PAPPA2: variants seen among roughly 807,000 people sequenced by gnomAD.
PAPPA2 encodes the protein pappalysin-2.
Under a neutral mutation model 176.4 loss-of-function variants are expected in PAPPA2, and 86 were observed. The observed-to-expected ratio is 0.49, with a 90% CI of 0.41 to 0.58. The LOEUF (loss-of-function observed/expected upper bound fraction) is 0.58. Ranked by LOEUF, PAPPA2 falls within the 20% of genes least tolerant of loss-of-function variation. The probability of loss-of-function intolerance (pLI) is 0.00; values close to 1 mark genes in which losing one functional copy is unlikely to be tolerated. For missense variants in PAPPA2, 2,073 were observed against 2,256.9 expected, an observed-to-expected ratio of 0.92 and a Z score of 1.65; for synonymous variants, 809 against 852.2, an observed-to-expected ratio of 0.95 and a Z score of 0.88.
chr1:176,784,591 T>TC (rs142680632), intron 17 of PAPPA2, among the ~76,000 whole-genome samples: 21 of 60,856 alleles, frequency 3.5e-4, no homozygotes, highest in African/African-American at 1.1e-3. Flanking sequence ...GATGATTCTC[T>TC]TTTTTTTTTT....
intron 19 of PAPPA2, among the ~76,000 whole-genome samples, chr1:176,792,524 T>C (rs991181675): frequency 1.3e-5 from 2 of 152,268 alleles, no homozygotes; most frequent in South Asian, 2.1e-4. Flanking sequence ...AAGCCTCCAA[T>C]TTCTGCGTTA....
At chr1:176,476,352 G>A (rs893537134) in intron 1 of PAPPA2, among the ~76,000 whole-genome samples, 16 of 152,162 alleles carry the variant, frequency 1.1e-4, no homozygotes, top group African/African-American at 3.9e-4. Context: ...CAGTGTTTAT[G>A]GTTCACTAAA....
chr1:176,765,858 C>A, intron 15 of PAPPA2, 21 bp downstream of exon 15: 1 of 1,610,114 alleles, frequency 6.2e-7, no homozygotes, highest in Non-Finnish European at 8.5e-7. Context: ...AGAACACTAT[C>A]ACCAGGACCA....
chr1:176,540,746 T>C (rs1388452789), intron 1 of PAPPA2, among the ~76,000 whole-genome samples: 1 of 152,206 alleles, frequency 6.6e-6, no homozygotes, highest in Non-Finnish European at 1.5e-5. Context: ...TGTGACCAGA[T>C]AACCTAACCT....
At chr1:176,662,087 G>C (rs190001347) in intron 3 of PAPPA2, among the ~76,000 whole-genome samples, 20 of 152,252 alleles carry the variant, frequency 1.3e-4, no homozygotes, top group African/African-American at 4.8e-4. Flanking sequence ...ACAGTGACTT[G>C]CAGATAATAA....
At chr1:176,734,728 G>T (rs1321152324) in intron 12 of PAPPA2, among the ~76,000 whole-genome samples, 1 of 152,022 alleles carries the variant, frequency 6.6e-6, no homozygotes, top group Non-Finnish European at 1.5e-5. Flanking sequence ...AATAGTATTA[G>T]GTTGAACCAG....
rs1231147898 is a variant in PAPPA2, at chr1:176,527,266, T to G, written c.-916-28141T>G. Among the ~76,000 whole-genome samples the G allele has an allele frequency of 2.6e-5, 4 of 152,356 alleles. No individual in the cohort carries two copies. The East Asian group carries it at 7.7e-4, about 29-fold the overall frequency. ...ACCACAGCCATATTGTGCAGAGTCCTATGTGACAGGCTCTATAGTGAGGGC... is the reference window on the plus strand; with the variant it reads ...ACCACAGCCATATTGTGCAGAGTCCGATGTGACAGGCTCTATAGTGAGGGC... On this transcript the variant is annotated intron_variant, in intron 1 of 22. Coordinates refer to ENST00000367662, the MANE Select transcript of PAPPA2 (RefSeq NM_020318.3).
intron 17 of PAPPA2, among the ~76,000 whole-genome samples, chr1:176,781,832 T>A (rs1438155555): frequency 6.6e-6 from 1 of 152,208 alleles, no homozygotes; most frequent in African/African-American, 2.4e-5. Context: ...ATTGCTGCTC[T>A]AGGTACCACA....
intron 3 of PAPPA2, chr1:176,616,597 C>T: frequency 1.3e-6 from 2 of 1,563,544 alleles, no homozygotes. Flanking sequence ...CAATTGAGAA[C>T]ATGGATACCT....
rs1378359335 is a variant in PAPPA2, at chr1:176,711,963, G to C, written c.3780G>C (p.Glu1260Asp). Residue 1260 changes from glutamate (E) to aspartate (D), a missense_variant, in exon 12 of 23, where the codon GAG (glutamate) becomes GAC (aspartate). This residue lies in a region of PAPPA2 where 846 missense variants were observed against 857.9 expected (regional missense o/e 0.99). Coordinates refer to ENST00000367662, the MANE Select transcript of PAPPA2 (RefSeq NM_020318.3). ...AGCCAGAAGGTAGCCTGAAGAAAGA[G>C]GATGAGGTTTGGCTCAAAGTAAGTG... ...SEQPEGSLKK[E>D]DEVWLKVCFN... is the part of the protein sequence containing the mutation. 1 of 1,612,912 alleles carries C rather than the reference G, an allele frequency of 6.2e-7. No individual in the cohort carries two copies. Among genetic ancestry groups the C allele is most frequent in the Non-Finnish European group, 8.5e-7 (1 of 1,179,012 alleles).
chr1:176,569,348 C>T (rs539211813), intron 2 of PAPPA2, among the ~76,000 whole-genome samples: 43 of 152,334 alleles, frequency 2.8e-4, no homozygotes, highest in Admixed American at 2.7e-3. Context: ...TGAAACCACT[C>T]CCCGAAACCA....
At chr1:176,516,274 CT>C (rs201764654) in intron 1 of PAPPA2, among the ~76,000 whole-genome samples, 30,762 of 140,476 alleles carry the variant, frequency 0.22, 3,675 homozygotes, top group African/African-American at 0.37. Context: ...GAGTTTAATT[CT>C]TTTTTTTTTT....
intron 14 of PAPPA2, among the ~76,000 whole-genome samples, chr1:176,742,651 A>G (rs1662738921): frequency 6.6e-6 from 1 of 152,200 alleles, no homozygotes; most frequent in Non-Finnish European, 1.5e-5. Context: ...GGTAAATCCC[A>G]TATACTTTAA....
chr1:176,779,700 T>C (rs1379523417), intron 17 of PAPPA2, among the ~76,000 whole-genome samples: 2 of 152,210 alleles, frequency 1.3e-5, no homozygotes, highest in Non-Finnish European at 2.9e-5. Context: ...CTATCCCTAT[T>C]TTCCAGCTAG....
chr1:176,816,075 T>C (rs1250943354), intron 21 of PAPPA2, among the ~76,000 whole-genome samples: 2 of 148,600 alleles, frequency 1.3e-5, no homozygotes, highest in East Asian at 4.0e-4. Context: ...GGCAGGTTTG[T>C]CTGACATAGT....
In PAPPA2 at chr1:176,557,249, C is replaced by A; in HGVS notation, c.919+8C>A. Reference sequence around the variant, plus strand: ...ACCCAGCCATCATCGCAGGTAACACCCTTCTCCTGGGCTTTCTGAAATCCT... The same window carrying A: ...ACCCAGCCATCATCGCAGGTAACACACTTCTCCTGGGCTTTCTGAAATCCT... On this transcript the variant is annotated splice_region_variant and intron_variant, in intron 2 of 22. Coordinates refer to ENST00000367662, the MANE Select transcript of PAPPA2 (RefSeq NM_020318.3). 1 of 1,564,586 alleles carries A rather than the reference C, an allele frequency of 6.4e-7. No individual in the cohort carries two copies. Among genetic ancestry groups the A allele is most frequent in the African/African-American group, 1.4e-5 (1 of 73,680 alleles).
intron 2 of PAPPA2, among the ~76,000 whole-genome samples, chr1:176,560,500 G>A (rs1031789407): frequency 7.2e-5 from 11 of 152,222 alleles, no homozygotes; most frequent in African/African-American, 2.7e-4. Context: ...GAACAACCAA[G>A]GTGTAGGAGA....
At chr1:176,622,978 T>C (rs1037056080) in intron 3 of PAPPA2, among the ~76,000 whole-genome samples, 1 of 152,138 alleles carries the variant, frequency 6.6e-6, no homozygotes, top group Non-Finnish European at 1.5e-5. Flanking sequence ...GGGAAAGACA[T>C]CCTTTGAGCC....
intron 17 of PAPPA2, among the ~76,000 whole-genome samples, chr1:176,777,142 T>C (rs932292055): frequency 2.1e-4 from 32 of 152,174 alleles, no homozygotes; most frequent in Non-Finnish European, 3.5e-4. Context: ...TATTTTATTT[T>C]CTATCTCAAC....
Sources: allele counts gnomAD v4.1 joint callset (sites outside exome capture counted in the v4.1 genomes callset), GRCh38; gene constraint gnomAD v4.1.1; regional missense constraint gnomAD v4.1.1; transcripts MANE v1.5; gene names NCBI Gene and HGNC (gene_info 2026-07-23, HGNC 2026-07-21).